Variants in ZDHHC7 observed in about 807,000 individuals in gnomAD.
ZDHHC7 encodes the protein zDHHC palmitoyltransferase 7.
A neutral mutation model predicts 34.1 loss-of-function variants in ZDHHC7; 12 were observed. The ratio of observed to expected loss-of-function variants is 0.35; its 90% CI spans 0.23 to 0.57. ZDHHC7 has a LOEUF of 0.57. Ranked by LOEUF, ZDHHC7 falls within the 20% of genes least tolerant of loss-of-function variation. ZDHHC7 has a pLI of 0.84. For missense variants in ZDHHC7, 388 were observed against 402.7 expected (o/e 0.96, Z 0.31); for synonymous variants, 185 against 155.4 (o/e 1.19, Z -1.42).
intron 1 of ZDHHC7, among the ~76,000 whole-genome samples, chr16:85,006,532 G>A (rs1197995830): frequency 1.3e-5 from 2 of 151,704 alleles, no homozygotes; most frequent in Non-Finnish European, 2.9e-5. Context: ...TGAGCAACAT[G>A]GAGTTCAAGA....
At chr16:85,004,264 A>G (rs1057403802) in intron 1 of ZDHHC7, among the ~76,000 whole-genome samples, 4 of 151,580 alleles carry the variant, frequency 2.6e-5, no homozygotes, top group African/African-American at 7.3e-5. Flanking sequence ...AGCAAGTCCT[A>G]TGGGGTGCAC....
chr16:84,976,626 G>A, intron 7 of ZDHHC7, 107 bp from the exon 8 acceptor site: 3 of 1,425,466 alleles, frequency 2.1e-6, no homozygotes, highest in Non-Finnish European at 9.5e-7. Context: ...CTCGATGGAG[G>A]GTAGGTGAGT....
intron 3 of ZDHHC7, among the ~76,000 whole-genome samples, chr16:84,984,643 C>T (rs1413601637): frequency 6.6e-6 from 1 of 152,138 alleles, no homozygotes; most frequent in Admixed American, 6.5e-5. Flanking sequence ...ATTGGGTGAT[C>T]CTCAGGGACC....
intron 1 of ZDHHC7, among the ~76,000 whole-genome samples, chr16:85,005,810 G>C (rs573679663): frequency 2.1e-4 from 32 of 152,272 alleles, no homozygotes; most frequent in African/African-American, 7.5e-4. Flanking sequence ...GCTTAACATA[G>C]AGCTAGCGTC....
At chr16:84,993,545 C>T (rs9939903) in intron 2 of ZDHHC7, among the ~76,000 whole-genome samples, 1 of 151,252 alleles carries the variant, frequency 6.6e-6, no homozygotes, top group Non-Finnish European at 1.5e-5. Context: ...GGGGGACTGA[C>T]GTGGAAGGAT....
intron 3 of ZDHHC7, among the ~76,000 whole-genome samples, chr16:84,983,738 A>AC (rs1597536721): frequency 6.6e-6 from 1 of 152,228 alleles, no homozygotes; most frequent in South Asian, 2.1e-4. Context: ...AGGGTGGCTC[A>AC]CGGCTTTAAT....
intron 3 of ZDHHC7, 105 bp from the exon 4 acceptor site, chr16:84,982,099 A>C: frequency 6.8e-7 from 1 of 1,468,580 alleles, no homozygotes; most frequent in South Asian, 1.2e-5. Flanking sequence ...TGGGAGGCTG[A>C]GGCGGGTGGA....
chr16:85,021,097 C>T, the ZDHHC7 span, among the ~76,000 whole-genome samples: 1 of 150,534 alleles, frequency 6.6e-6, no homozygotes, highest in Non-Finnish European at 1.5e-5. Flanking sequence ...AGAGCAAGAC[C>T]CTCTCTTAAA....
chr16:85,014,574 C>T (rs1043498936), upstream of ZDHHC7, among the ~76,000 whole-genome samples: 5 of 152,140 alleles, frequency 3.3e-5, no homozygotes, highest in East Asian at 1.9e-4. Flanking sequence ...ACAAGAACAG[C>T]GAGGAAGGGA....
At chr16:85,007,967 A>G (rs1419453029) in intron 1 of ZDHHC7, among the ~76,000 whole-genome samples, 2 of 151,948 alleles carry the variant, frequency 1.3e-5, no homozygotes, top group Non-Finnish European at 2.9e-5. Context: ...TACAAAAAAT[A>G]AGCCGGACAG....
Position 84,990,368 on chromosome 16 carries a change from A to C in ZDHHC7, c.251T>G (p.Val84Gly). The part of the protein sequence containing the change: ...KDFWYSVVNG[V>G]IFNCLAVLAL... ...AAGCACGGCCAAGCAGTTAAAGATG[A>C]CCCCGTTGACCACAGAGTACCAGAA... Residue 84 changes from valine to glycine, a missense_variant, in exon 3 of 8, where the codon GTC becomes GGC. Val to Gly is a moderately radical substitution (Grantham distance 109, BLOSUM62 -3). Coordinates refer to ENST00000313732, the MANE Select transcript of ZDHHC7 (RefSeq NM_017740.3). 2 of 1,614,050 alleles carry C rather than the reference A, an allele frequency of 1.2e-6. No homozygotes were observed. Among genetic ancestry groups the C allele is most frequent in the Non-Finnish European group, 1.7e-6 (2 of 1,180,008 alleles).
upstream of ZDHHC7, among the ~76,000 whole-genome samples, chr16:85,012,855 C>A (rs1318515588): frequency 1.3e-5 from 2 of 151,850 alleles, no homozygotes; most frequent in Admixed American, 1.3e-4. Context: ...TGCAGTGGGC[C>A]GAGATCGCGC....
chr16:85,024,130 C>G, the ZDHHC7 span, among the ~76,000 whole-genome samples: 5 of 151,940 alleles, frequency 3.3e-5, no homozygotes, highest in Non-Finnish European at 5.9e-5. Flanking sequence ...GATGGCCAGG[C>G]TGGTCTCAAA....
chr16:85,008,566 T>C (rs765531513), intron 1 of ZDHHC7, among the ~76,000 whole-genome samples: 6 of 151,614 alleles, frequency 4.0e-5, no homozygotes, highest in Non-Finnish European at 8.8e-5. Context: ...CTGTGTGGAC[T>C]GGCACTATTC....
rs896018147 is a variant in ZDHHC7, at chr16:85,010,773, T to G, written c.-104+513A>C. ...AAGCTTTACTGTCCCAGATGCCCTT[T>G]CAGGCAACTAACACCCAAAGATGAC... On this transcript the variant is annotated intron_variant, in intron 1 of 7. Coordinates refer to ENST00000313732, the MANE Select transcript of ZDHHC7 (RefSeq NM_017740.3). 2.6e-5 allele frequency among the ~76,000 whole-genome samples: 4 copies of G among 152,322 alleles called. No homozygotes were observed. In the East Asian group the frequency reaches 7.7e-4, roughly 29 times the overall value.
rs774894639 is a variant in ZDHHC7 at position 84,990,287 on chromosome 16, A to C, written c.315+17T>G. Reference sequence around the variant, plus strand: ...CCAGACACAAGAGAGCCACCCAGAGACGCAGCCAGTACTCACAGGGTCGGT... The same window carrying C: ...CCAGACACAAGAGAGCCACCCAGAGCCGCAGCCAGTACTCACAGGGTCGGT... On this transcript the variant is annotated intron_variant, in intron 3 of 7. Coordinates refer to ENST00000313732, the MANE Select transcript of ZDHHC7 (RefSeq NM_017740.3). 1.2e-6 allele frequency: 2 copies of C among 1,609,766 alleles called. No individual in the cohort carries two copies. Among genetic ancestry groups the C allele is most frequent in the Non-Finnish European group, 1.7e-6 (2 of 1,176,914 alleles).
At chr16:84,982,629 G>A (rs548032112) in intron 3 of ZDHHC7, among the ~76,000 whole-genome samples, 12 of 152,314 alleles carry the variant, frequency 7.9e-5, no homozygotes, top group African/African-American at 2.2e-4. Flanking sequence ...CTTTAATTTC[G>A]TGTTGCTAAA....
chr16:85,018,317 G>A, the ZDHHC7 span, among the ~76,000 whole-genome samples: 1 of 152,182 alleles, frequency 6.6e-6, no homozygotes, highest in Admixed American at 6.5e-5. Flanking sequence ...ACAGGGCAAG[G>A]CAGTGATTCT....
chr16:84,999,153 C>T (rs2072622421), intron 1 of ZDHHC7, among the ~76,000 whole-genome samples: 1 of 152,198 alleles, frequency 6.6e-6, no homozygotes, highest in Non-Finnish European at 1.5e-5. Context: ...TTCCAATGAG[C>T]TTATCTTAGC....
Sources: gnomAD v4.1 joint callset for allele counts (sites outside exome capture counted in the v4.1 genomes callset) on GRCh38, gnomAD v4.1.1 for gene constraint, MANE v1.5 for transcripts, NCBI Gene and HGNC (gene_info 2026-07-23, HGNC 2026-07-21) for gene names.